The following PLA2G4D variants were observed in gnomAD, a reference collection of about 807,000 sequenced individuals.
PLA2G4D encodes phospholipase A2 group IVD.
In PLA2G4D, 80 loss-of-function variants were observed where a neutral mutation model predicts 94.4. The observed-to-expected ratio is 0.85, with a 90% confidence interval of 0.71 to 1.02. PLA2G4D has a LOEUF of 1.02. Ranked by LOEUF, PLA2G4D falls within the 50% of genes least tolerant of loss-of-function variation. The pLI is 0.00. For missense variants in PLA2G4D, 1,050 were observed against 1,034.7 expected (o/e 1.01, Z -0.20); for synonymous variants, 438 against 440.9 (o/e 0.99, Z 0.08).
At chr15:42,071,687 G>T in intron 15 of PLA2G4D, 87 bp downstream of exon 15, 4 of 1,512,676 alleles carry the variant, frequency 2.6e-6, no homozygotes, top group Non-Finnish European at 2.7e-6. Flanking sequence ...TTGTCCTGAG[G>T]TTCTGCCCCA....
intron 13 of PLA2G4D, among the ~76,000 whole-genome samples, chr15:42,073,988 G>T (rs1889874721): frequency 6.6e-6 from 1 of 152,138 alleles, no homozygotes; most frequent in South Asian, 2.1e-4. Context: ...TCTAAATAGG[G>T]CTCGATCCCC....
At position 42,068,850 on chromosome 15, in the gene PLA2G4D, C is replaced by T; in HGVS notation, c.2322G>A (p.Lys774=). The change falls in exon 20 of 20, where the codon AAG becomes AAA. Residue 774 remains lysine, a synonymous_variant. Coordinates refer to ENST00000290472, the MANE Select transcript of PLA2G4D (RefSeq NM_178034.4). ...CPYTLSNMTY[K]EEDFERLLRL... is the part of the protein sequence containing the mutation. The stretch of plus-strand genomic sequence containing the variant: ...GCAGCAGGCGCTCGAAGTCTTCCTC[C>T]TTGTAGGTCATGTTGGACAGGGTGT... The T allele has an allele frequency of 6.2e-7, 1 of 1,613,980 alleles. No homozygotes were observed. Among genetic ancestry groups the T allele is most frequent in the Non-Finnish European group, 8.5e-7 (1 of 1,179,962 alleles).
chr15:42,071,096 C>T, intron 17 of PLA2G4D, 27 bp downstream of exon 17: 1 of 1,595,160 alleles, frequency 6.3e-7, no homozygotes, highest in Non-Finnish European at 8.5e-7. Flanking sequence ...ACCTTGTGAC[C>T]TAGGGACCCC....
intron 13 of PLA2G4D, among the ~76,000 whole-genome samples, chr15:42,074,814 T>C (rs1237329821): frequency 6.6e-6 from 1 of 152,220 alleles, no homozygotes; most frequent in Non-Finnish European, 1.5e-5. Flanking sequence ...AAGAAAACAT[T>C]ATTTTGTAAA....
rs74977904 is a variant in PLA2G4D, at chr15:42,087,400, G to C, written c.155C>G (p.Ser52Trp). 1.8e-5 allele frequency: 29 copies of C among 1,614,016 alleles called. No individual in the cohort carries two copies. Among genetic ancestry groups the C allele is most frequent in the Admixed American group, 1.2e-4 (7 of 60,012 alleles). The change falls in exon 3 of 20, where the codon TCG becomes TGG. Residue 52 changes from serine to tryptophan, a missense_variant. Transcript: ENST00000290472. ...EADPYVILQL[S>W]TAPGMKFKTK... ...CTTAAACTTCATTCCAGGTGCGGTC[G>C]ACAGCTGTAGGATCACGTAAGGGTC... is the stretch of plus-strand genomic sequence containing the variant.
chr15:42,072,193 C>T (rs1889837792), intron 14 of PLA2G4D, 82 bp downstream of exon 14: 2 of 1,286,780 alleles, frequency 1.6e-6, no homozygotes, highest in Non-Finnish European at 2.2e-6. Context: ...GCGGAGCTTC[C>T]AGCATGAATT....
At chr15:42,094,235 G>GC (rs1384021362) in intron 1 of PLA2G4D, among the ~76,000 whole-genome samples, 180 bp downstream of exon 1, 2 of 152,086 alleles carry the variant, frequency 1.3e-5, no homozygotes, top group African/African-American at 4.8e-5. Flanking sequence ...ACGTTTCCCA[G>GC]CCCCCGCATC....
At chr15:42,075,073 A>C (rs1278556123) in intron 13 of PLA2G4D, among the ~76,000 whole-genome samples, 1 of 152,198 alleles carries the variant, frequency 6.6e-6, no homozygotes, top group Non-Finnish European at 1.5e-5. Flanking sequence ...ACAGGTGTGC[A>C]CCACCATGCC....
At chr15:42,072,436 C>T (rs760736444) in intron 13 of PLA2G4D, 44 bp from the exon 14 acceptor site, 8 of 1,533,206 alleles carry the variant, frequency 5.2e-6, no homozygotes, top group Non-Finnish European at 7.2e-6. Context: ...CTGGGAGTAC[C>T]CTGGAGGCAG....
At chr15:42,086,386 A>T (rs1167170414) in intron 3 of PLA2G4D, 42 bp from the exon 4 acceptor site, 2 of 1,604,142 alleles carry the variant, frequency 1.2e-6, no homozygotes, top group Non-Finnish European at 8.5e-7. Flanking sequence ...ACCTGCTCAT[A>T]GTGAGAGTAG....
At chr15:42,071,088 C>T in intron 17 of PLA2G4D, 35 bp downstream of exon 17, 3 of 1,592,874 alleles carry the variant, frequency 1.9e-6, no homozygotes, top group South Asian at 1.1e-5. Context: ...GAGGCCCAAC[C>T]TTGTGACCTA....
In PLA2G4D at chr15:42,084,157, A is replaced by G; in HGVS notation, c.472-378T>C. 4.5e-6 allele frequency: 1 copy of G among 220,308 alleles called. No individual in the cohort carries two copies. The highest frequency in any genetic ancestry group is 9.2e-6 in the Non-Finnish European group (1 of 108,816). 13.6% of individuals were successfully genotyped at this position (220,308 alleles called of 1,614,324 possible). On this transcript the variant is annotated intron_variant, in intron 6 of 19. Transcript: ENST00000290472. This position sits in a 1 kb window ranked among gnomAD's most constrained non-coding sequence, Gnocchi z 4.8. ...TAATCTAAGCAAGCCGCCCATCCAT[A>G]GGAGGGTAGACGGGGCGTCGGACAA...
intron 1 of PLA2G4D, 141 bp downstream of exon 1, chr15:42,094,274 C>G (rs1890298505): frequency 1.1e-6 from 1 of 930,936 alleles, no homozygotes; most frequent in Middle Eastern, 2.2e-4. Context: ...ACCCCACCCA[C>G]TCTGCATCCC....
At chr15:42,085,808 A>C (rs1483063678) in intron 4 of PLA2G4D, among the ~76,000 whole-genome samples, 1 of 152,230 alleles carries the variant, frequency 6.6e-6, no homozygotes, top group East Asian at 1.9e-4. Flanking sequence ...CAAGGAGCAC[A>C]GCCAAAGGAG....
At chr15:42,085,229 C>G in intron 5 of PLA2G4D, 91 bp from the exon 6 acceptor site, 3 of 1,455,224 alleles carry the variant, frequency 2.1e-6, no homozygotes, top group Non-Finnish European at 2.9e-6. Context: ...ATGCTGAGGG[C>G]TCTGTAAGTC....
At position 42,086,194 on chromosome 15, in the gene PLA2G4D, T is replaced by TTGGGGGGGGGCC; in HGVS notation, c.387+18_387+19insGGCCCCCCCCCA. Reference sequence around the variant, plus strand: ...GGAAGAAGTGGGGCCCACGGGGACTTCCCCACCCACCCACCCACCTGGGGA... The same window carrying TTGGGGGGGGGCC: ...GGAAGAAGTGGGGCCCACGGGGACTTTGGGGGGGGGCCCCCCACCCACCCACCCACCTGGGGA... On this transcript the variant is annotated intron_variant, in intron 4 of 19. Coordinates refer to ENST00000290472, the MANE Select transcript of PLA2G4D (RefSeq NM_178034.4). 55 of 1,370,378 alleles carry TTGGGGGGGGGCC rather than the reference T, an allele frequency of 4.0e-5. No individual in the cohort carries two copies. The highest frequency in any genetic ancestry group is 2.8e-4 in the Middle Eastern group (1 of 3,592). The allele number at this position is 1,370,378 out of a possible 1,614,324, so 84.9% of individuals were successfully genotyped here. A position where few individuals can be genotyped will look rare whatever the true frequency, so the allele number is the denominator to read the frequency against.
intron 13 of PLA2G4D, among the ~76,000 whole-genome samples, chr15:42,076,186 G>T (rs1031305508): frequency 6.6e-6 from 1 of 152,170 alleles, no homozygotes; most frequent in Non-Finnish European, 1.5e-5. Flanking sequence ...ATACATGACA[G>T]AATTAGCAAT....
Position 42,071,209 on chromosome 15 carries a change from GGCCT to G in PLA2G4D, c.1786_1789del (p.Arg596ProfsTer40), listed in dbSNP as rs1566860014. On this transcript the variant is annotated frameshift_variant, in exon 17 of 20. Coordinates refer to ENST00000290472, the MANE Select transcript of PLA2G4D (RefSeq NM_178034.4). LOFTEE classifies it high-confidence loss of function. ...GAAGTTGGGGCTGCGCTGGTGGAGGGGCCTGCCTGTCAGGAAGCCTTTAAATGCC... is the reference window on the plus strand; with the variant it reads ...GAAGTTGGGGCTGCGCTGGTGGAGGGGCCTGTCAGGAAGCCTTTAAATGCC... 1 of 1,613,418 alleles carries G rather than the reference GGCCT, an allele frequency of 6.2e-7. No homozygotes were observed. Among genetic ancestry groups the G allele is most frequent in the Non-Finnish European group, 8.5e-7 (1 of 1,179,786 alleles).
At position 42,086,196 on chromosome 15, in the gene PLA2G4D, C is replaced by G. The variant is rs746050264; in HGVS notation, c.387+17G>C. On this transcript the variant is annotated intron_variant, in intron 4 of 19. Transcript: ENST00000290472. ...AAGAAGTGGGGCCCACGGGGACTTC[C>G]CCACCCACCCACCCACCTGGGGACT... 2 of 356,892 alleles carry G rather than the reference C, an allele frequency of 5.6e-6. No individual in the cohort carries two copies. The highest frequency in any genetic ancestry group is 1.1e-5 in the Non-Finnish European group (2 of 190,134). 22.1% of individuals were successfully genotyped at this position (356,892 alleles called of 1,614,324 possible). A position where few individuals can be genotyped will look rare whatever the true frequency, so the allele number is the denominator to read the frequency against.
Sources: allele counts gnomAD v4.1 joint callset (sites outside exome capture counted in the v4.1 genomes callset), GRCh38; gene constraint gnomAD v4.1.1; non-coding constraint Gnocchi (gnomAD v3.1); transcripts MANE v1.5; gene names NCBI Gene and HGNC (gene_info 2026-07-23, HGNC 2026-07-21).